Variants in ESCO2 observed in about 807,000 individuals in gnomAD.
The protein encoded by ESCO2 is N-acetyltransferase ESCO2.
A neutral mutation model predicts 61.7 loss-of-function variants in ESCO2; 51 were observed. That is an observed-to-expected ratio of 0.83 (90% CI 0.66 to 1.04). The LOEUF is 1.04. Among genes scored for constraint, ESCO2 ranks in the 50% least tolerant of loss-of-function variants. The probability of loss-of-function intolerance (pLI) is 0.00; values close to 1 mark genes in which losing one functional copy is unlikely to be tolerated. For synonymous variants in ESCO2, 230 were observed against 238.2 expected (o/e 0.97, Z 0.32); for missense variants, 692 against 686.2 (o/e 1.01, Z -0.09).
At chr8:27,812,402 G>C (rs1332592422), downstream of ESCO2, 2 of 152,040 alleles carry the variant, frequency 1.3e-5, no homozygotes, top group African/African-American at 4.8e-5. Flanking sequence ...TACCATTCAG[G>C]ACATAGGCAT....
downstream of ESCO2, among the ~76,000 whole-genome samples, chr8:27,807,713 T>C (rs1468166149): frequency 2.0e-5 from 3 of 152,300 alleles, no homozygotes; most frequent in East Asian, 5.8e-4. Context: ...TAAGTTTTAA[T>C]TTTTTCCCCC....
downstream of ESCO2, chr8:27,810,827 T>G: frequency 1.5e-6 from 1 of 665,050 alleles, no homozygotes; most frequent in East Asian, 2.7e-5. Context: ...TATGTCTCAT[T>G]TGTGTGAGAT....
At chr8:27,791,887 C>A in intron 7 of ESCO2, 76 bp from the exon 8 acceptor site, 1 of 1,229,972 alleles carries the variant, frequency 8.1e-7, no homozygotes, top group Non-Finnish European at 1.2e-6. Flanking sequence ...TTGTCTTCTC[C>A]ACATCAAATT....
At position 27,804,948 on chromosome 8, in the gene ESCO2, A is replaced by T. The variant is rs976175526; in HGVS notation, c.*1510A>T. 1 of 342,258 alleles carries T rather than the reference A, an allele frequency of 2.9e-6. No homozygotes were observed. The highest frequency in any genetic ancestry group is 4.1e-6 in the Non-Finnish European group (1 of 242,612). 21.2% of individuals were successfully genotyped at this position (342,258 alleles called of 1,614,324 possible). On this transcript the variant is annotated 3_prime_UTR_variant, in exon 11 of 11. Coordinates refer to ENST00000305188, the MANE Select transcript of ESCO2 (RefSeq NM_001017420.3). ...TTTTATTATGAAAATAGTATATGTTAAATAAAATTCAGATAATACAGAAAT... is the reference window on the plus strand; with the variant it reads ...TTTTATTATGAAAATAGTATATGTTTAATAAAATTCAGATAATACAGAAAT...
At chr8:27,808,771 A>G (rs1327444220), downstream of ESCO2, among the ~76,000 whole-genome samples, 1 of 151,942 alleles carries the variant, frequency 6.6e-6, no homozygotes, top group Non-Finnish European at 1.5e-5. Flanking sequence ...AACATCTGAG[A>G]CTTAGAGCAA....
intron 9 of ESCO2, among the ~76,000 whole-genome samples, chr8:27,798,567 C>G (rs983973052): frequency 5.9e-5 from 9 of 151,944 alleles, no homozygotes; most frequent in African/African-American, 1.5e-4. Context: ...AAAACCTGTA[C>G]AAGAATGTTA....
chr8:27,810,751 AGG>A (rs1214016551), downstream of ESCO2, among the ~76,000 whole-genome samples: 4 of 152,120 alleles, frequency 2.6e-5, no homozygotes, highest in African/African-American at 9.7e-5. Flanking sequence ...TTCTCAGGAA[AGG>A]GGAGTTTTTA....
intron 3 of ESCO2, 149 bp from the exon 4 acceptor site, chr8:27,780,025 A>G (rs1804887105): frequency 2.7e-5 from 17 of 626,242 alleles, no homozygotes; most frequent in Middle Eastern, 4.4e-4. Flanking sequence ...TCCTAAAAAT[A>G]GTTTGAAAAT....
At chr8:27,783,287 T>C (rs1439528665) in intron 4 of ESCO2, among the ~76,000 whole-genome samples, 1 of 152,196 alleles carries the variant, frequency 6.6e-6, no homozygotes, top group African/African-American at 2.4e-5. Flanking sequence ...TCATCCATGT[T>C]GTTGGGTGTA....
downstream of ESCO2, among the ~76,000 whole-genome samples, chr8:27,813,597 CA>C (rs1805745627): frequency 6.8e-6 from 1 of 146,078 alleles, no homozygotes; most frequent in African/African-American, 2.6e-5. Flanking sequence ...AGCTAATTAA[CA>C]TATCTATCAC....
Position 27,804,705 on chromosome 8 carries a change from A to G in ESCO2, c.*1267A>G, listed in dbSNP as rs1437079814. The G allele has an allele frequency of 6.1e-6, 6 of 985,408 alleles. No individual in the cohort carries two copies. The highest frequency in any genetic ancestry group is 7.2e-6 in the Non-Finnish European group (6 of 829,884). The allele number at this position is 985,408 out of a possible 1,614,324, so 61.0% of individuals were successfully genotyped here. A position where few individuals can be genotyped will look rare whatever the true frequency, so the allele number is the denominator to read the frequency against. Reference sequence around the variant, plus strand: ...TCTGCATTCATTTTATTTGCCTGTAAGTTAACATGTTTCCAAAATTTAAAA... The same window carrying G: ...TCTGCATTCATTTTATTTGCCTGTAGGTTAACATGTTTCCAAAATTTAAAA... On this transcript the variant is annotated 3_prime_UTR_variant, in exon 11 of 11. Transcript: ENST00000305188.
At chr8:27,782,069 T>C (rs1449753727) in intron 4 of ESCO2, among the ~76,000 whole-genome samples, 1 of 152,186 alleles carries the variant, frequency 6.6e-6, no homozygotes. Flanking sequence ...CAGCTGGACG[T>C]TGATATTTCC....
In ESCO2 at chr8:27,792,014, T is replaced by C; in HGVS notation, c.1315T>C (p.Leu439=). The change falls in exon 8 of 11, where the codon TTG becomes CTG. Residue 439 remains leucine, a synonymous_variant. Transcript: ENST00000305188. Reference sequence around the variant, plus strand: ...AGAGTTTTGGGATGGGAAAATCGTGTTGGTTCTGCCACATGATCCAAGCTT... The same window carrying C: ...AGAGTTTTGGGATGGGAAAATCGTGCTGGTTCTGCCACATGATCCAAGCTT... ...VAEFWDGKIV[L]VLPHDPSFAI... The C allele has an allele frequency of 6.2e-7, 1 of 1,614,116 alleles. No individual in the cohort carries two copies. The highest frequency in any genetic ancestry group is 1.3e-5 in the African/African-American group (1 of 75,052).
chr8:27,800,501 C>CTTGT (rs1372435963), intron 10 of ESCO2, among the ~76,000 whole-genome samples: 1 of 152,090 alleles, frequency 6.6e-6, no homozygotes, highest in Admixed American at 6.5e-5. Context: ...AACTGAAACC[C>CTTGT]TTGTACATTG....
chr8:27,813,297 A>G (rs1226537940), downstream of ESCO2, among the ~76,000 whole-genome samples: 6 of 152,120 alleles, frequency 3.9e-5, no homozygotes, highest in Non-Finnish European at 7.4e-5. Flanking sequence ...GGTGGGGAAC[A>G]TCACACCCTG....
intron 5 of ESCO2, among the ~76,000 whole-genome samples, chr8:27,784,521 A>G (rs1804994004): frequency 6.6e-6 from 1 of 152,192 alleles, no homozygotes; most frequent in South Asian, 2.1e-4. Context: ...ATAGTATAGT[A>G]GCTACAATTT....
chr8:27,783,899 G>C, intron 4 of ESCO2, 101 bp from the exon 5 acceptor site: 2 of 1,088,404 alleles, frequency 1.8e-6, no homozygotes, highest in Non-Finnish European at 2.8e-6. Context: ...GTTAAATCTT[G>C]ATCTTGAGTA....
intron 9 of ESCO2, among the ~76,000 whole-genome samples, chr8:27,793,365 A>G (rs753462133): frequency 1.2e-4 from 19 of 152,264 alleles, no homozygotes; most frequent in Admixed American, 3.9e-4. Flanking sequence ...ATTTTGATAT[A>G]GGTATACATT....
At position 27,791,928 on chromosome 8, in the gene ESCO2, A is replaced by G. The variant is rs766669964; in HGVS notation, c.1264-35A>G. 19 of 1,596,562 alleles carry G rather than the reference A, an allele frequency of 1.2e-5. No homozygotes were observed. The Admixed American group carries it at 3.2e-4, about 27-fold the overall frequency. The stretch of plus-strand genomic sequence containing the variant: ...ATGTTGGTTTTTTTTCCTCTTCACA[A>G]ATTAAACTGTGACCCTTTTGTTTTC... On this transcript the variant is annotated intron_variant, in intron 7 of 10. Coordinates refer to ENST00000305188, the MANE Select transcript of ESCO2 (RefSeq NM_001017420.3).
Sources: gnomAD v4.1 joint callset for allele counts (sites outside exome capture counted in the v4.1 genomes callset) on GRCh38, gnomAD v4.1.1 for gene constraint, MANE v1.5 for transcripts, NCBI Gene and HGNC (gene_info 2026-07-23, HGNC 2026-07-21) for gene names.